TMTC1: variants seen among roughly 807,000 people sequenced by gnomAD.
TMTC1 encodes the protein transmembrane O-mannosyltransferase targeting cadherins 1.
Under a neutral mutation model 104.8 loss-of-function variants are expected in TMTC1, and 73 were observed. That is an observed-to-expected ratio of 0.70 (90% CI 0.58 to 0.85). TMTC1 has a LOEUF of 0.85. Ranked by LOEUF, TMTC1 falls within the 40% of genes least tolerant of loss-of-function variation. The pLI is 0.00. For synonymous variants in TMTC1, 434 were observed against 428.7 expected, an observed-to-expected ratio of 1.01 and a Z score of -0.15; for missense variants, 1,035 against 1,096.1, an observed-to-expected ratio of 0.94 and a Z score of 0.79.
At chr12:29,748,003 C>A (rs1375695763) in intron 5 of TMTC1, among the ~76,000 whole-genome samples, 1 of 152,158 alleles carries the variant, frequency 6.6e-6, no homozygotes, top group African/African-American at 2.4e-5. Flanking sequence ...CACCTTCTGA[C>A]AAAAGTACAA....
chr12:29,710,363 T>G (rs1172555550), intron 5 of TMTC1, among the ~76,000 whole-genome samples: 1 of 151,998 alleles, frequency 6.6e-6, no homozygotes, highest in Non-Finnish European at 1.5e-5. Context: ...CTTGCAGCCA[T>G]TGGAACCACA....
At chr12:29,564,960 C>G (rs566259289) in intron 9 of TMTC1, among the ~76,000 whole-genome samples, 2 of 152,004 alleles carry the variant, frequency 1.3e-5, no homozygotes, top group African/African-American at 4.8e-5. Flanking sequence ...CAGCCTTAGG[C>G]GTGAAAAATG....
In TMTC1 at chr12:29,754,944, G is replaced by A. The variant is rs369102201; in HGVS notation, c.731+765C>T. Among the ~76,000 whole-genome samples, 71 of 152,200 alleles carry A rather than the reference G, an allele frequency of 4.7e-4. 1 individual carries two copies. The highest frequency in any genetic ancestry group is 4.2e-3 in the East Asian group (22 of 5,180). On this transcript the variant is annotated intron_variant, in intron 4 of 17. Transcript: ENST00000539277. Reference sequence around the variant, plus strand: ...TCAGATAAAATTCTTCATTTGATACGGCAGGGGAATAAATTAGCCACATCT... The same window carrying A: ...TCAGATAAAATTCTTCATTTGATACAGCAGGGGAATAAATTAGCCACATCT...
intron 9 of TMTC1, among the ~76,000 whole-genome samples, chr12:29,563,001 C>T (rs1945416911): frequency 6.6e-6 from 1 of 152,178 alleles, no homozygotes; most frequent in African/African-American, 2.4e-5. Context: ...GTCAAAATTA[C>T]ACCCATTATT....
At chr12:29,575,377 G>A (rs1015521201) in intron 8 of TMTC1, among the ~76,000 whole-genome samples, 2 of 152,082 alleles carry the variant, frequency 1.3e-5, no homozygotes, top group Non-Finnish European at 2.9e-5. Flanking sequence ...TTTACATTTA[G>A]TTTTTAATTT....
At chr12:29,564,236 G>C (rs1945451060) in intron 9 of TMTC1, among the ~76,000 whole-genome samples, 1 of 152,170 alleles carries the variant, frequency 6.6e-6, no homozygotes, top group Non-Finnish European at 1.5e-5. Context: ...TGTCCAGCTG[G>C]GTAGATGGCT....
At position 29,506,773 on chromosome 12, in the gene TMTC1, T is replaced by G. The variant is rs1943702365; in HGVS notation, c.*73A>C. 1 of 1,580,142 alleles carries G rather than the reference T, an allele frequency of 6.3e-7. No individual in the cohort carries two copies. Among genetic ancestry groups the G allele is most frequent in the African/African-American group, 1.3e-5 (1 of 74,164 alleles). ...CTCATTAGTTGTGCCCCTGCTGATG[T>G]GAAAGCAAGGCTTCCATCACTCCCC... On this transcript the variant is annotated 3_prime_UTR_variant, in exon 18 of 18. Transcript: ENST00000539277.
intron 5 of TMTC1, among the ~76,000 whole-genome samples, chr12:29,736,914 C>T (rs539588471): frequency 1.3e-5 from 2 of 152,318 alleles, no homozygotes; most frequent in South Asian, 2.1e-4. Flanking sequence ...AAATGCCACA[C>T]GTAAAGCAGT....
At chr12:29,643,956 T>C (rs1939109304) in intron 5 of TMTC1, among the ~76,000 whole-genome samples, 1 of 113,438 alleles carries the variant, frequency 8.8e-6, no homozygotes, top group Non-Finnish European at 1.7e-5. Flanking sequence ...AATATATATT[T>C]ATATATACTT....
At chr12:29,744,730 A>T (rs1942907977) in intron 5 of TMTC1, among the ~76,000 whole-genome samples, 1 of 152,226 alleles carries the variant, frequency 6.6e-6, no homozygotes, top group Non-Finnish European at 1.5e-5. Flanking sequence ...CATCAAAGAA[A>T]ACACTTTTCT....
chr12:29,728,154 G>A (rs764580594), intron 5 of TMTC1, among the ~76,000 whole-genome samples: 4 of 152,172 alleles, frequency 2.6e-5, no homozygotes, highest in Non-Finnish European at 5.9e-5. Context: ...ATCAGGCTCC[G>A]TTGTTAAAGC....
chr12:29,518,427 C>T (rs773184500), intron 13 of TMTC1, 45 bp downstream of exon 13: 2 of 1,594,386 alleles, frequency 1.3e-6, no homozygotes, highest in Non-Finnish European at 8.6e-7. Context: ...TGAGTGATTG[C>T]TGAGGTTCCT....
chr12:29,517,328 A>T, intron 14 of TMTC1, 99 bp downstream of exon 14: 1 of 1,331,322 alleles, frequency 7.5e-7, no homozygotes, highest in Non-Finnish European at 1.0e-6. Flanking sequence ...TGGATATATT[A>T]CGGCATTCCA....
At chr12:29,632,868 T>C (rs1938365739) in intron 6 of TMTC1, among the ~76,000 whole-genome samples, 1 of 152,200 alleles carries the variant, frequency 6.6e-6, no homozygotes, top group Admixed American at 6.5e-5. Flanking sequence ...ATTTCATTTA[T>C]CATTATATTA....
At chr12:29,669,476 A>G (rs1940421133) in intron 5 of TMTC1, among the ~76,000 whole-genome samples, 1 of 152,226 alleles carries the variant, frequency 6.6e-6, no homozygotes, top group Non-Finnish European at 1.5e-5. Flanking sequence ...AGTCCATAAC[A>G]AAGAACAAGA....
intron 6 of TMTC1, among the ~76,000 whole-genome samples, chr12:29,626,399 G>C (rs74079144): frequency 0.038 from 5,824 of 152,218 alleles, 351 homozygotes; most frequent in African/African-American, 0.13. Flanking sequence ...TTACTAACAA[G>C]GTGAAATTTG....
chr12:29,735,187 TC>T (rs1469022544), intron 5 of TMTC1, among the ~76,000 whole-genome samples: 6 of 152,230 alleles, frequency 3.9e-5, no homozygotes, highest in Non-Finnish European at 7.3e-5. Flanking sequence ...GTAGGTGCTA[TC>T]CTTAAACTGA....
intron 5 of TMTC1, among the ~76,000 whole-genome samples, chr12:29,698,885 A>C (rs186791174): frequency 6.6e-6 from 1 of 152,024 alleles, no homozygotes; most frequent in South Asian, 2.1e-4. Flanking sequence ...TGCTGGAACA[A>C]CCCCATACTC....
intron 5 of TMTC1, among the ~76,000 whole-genome samples, chr12:29,658,210 C>T (rs1205945976): frequency 6.6e-6 from 1 of 151,912 alleles, no homozygotes; most frequent in Non-Finnish European, 1.5e-5. Context: ...AAATTTATCA[C>T]GTCTCTGCAA....
Sources: gnomAD v4.1 joint callset for allele counts (sites outside exome capture counted in the v4.1 genomes callset) on GRCh38, gnomAD v4.1.1 for gene constraint, MANE v1.5 for transcripts, NCBI Gene and HGNC (gene_info 2026-07-23, HGNC 2026-07-21) for gene names.